The following LINC00632 variants were observed in gnomAD, a reference collection of about 807,000 sequenced individuals.
The protein encoded by LINC00632 is ALDOA related specific transcript.
exon 5 of LINC00632, among the ~76,000 whole-genome samples, chrX:140,779,092 GC>G (rs1931905699): frequency 9.0e-6 from 1 of 111,530 alleles, no homozygotes; most frequent in Admixed American, 9.6e-5. Context: ...TTTAAGAAAA[GC>G]CCCCCAAATA....
exon 5 of LINC00632, chrX:140,784,185 G>C: frequency 8.3e-7 from 1 of 1,209,597 alleles, no homozygotes; most frequent in Non-Finnish European, 1.1e-6. Flanking sequence ...CAGGAAATCC[G>C]TGTCTTCCAG....
chrX:140,789,320 A>C (rs1226853393), exon 5 of LINC00632, among the ~76,000 whole-genome samples: 1 of 110,944 alleles, frequency 9.0e-6, no homozygotes, highest in Non-Finnish European at 1.9e-5. Context: ...AGGAAATTTC[A>C]GAGTAGGGTG....
At chrX:140,746,825 C>T (rs976583683) in intron 3 of LINC00632, among the ~76,000 whole-genome samples, 1 of 111,861 alleles carries the variant, frequency 8.9e-6, no homozygotes, top group African/African-American at 3.2e-5. Flanking sequence ...ATCACCCTCC[C>T]ACTCCACCCG....
intron 3 of LINC00632, among the ~76,000 whole-genome samples, chrX:140,767,518 C>T (rs552293478): frequency 1.8e-5 from 2 of 112,004 alleles, no homozygotes; most frequent in Admixed American, 1.9e-4. Context: ...GTTCTATGCA[C>T]ATTTAGTAAC....
chrX:140,713,587 C>T lies in LINC00632; in HGVS notation n.104+1931C>T, dbSNP rs145527539. 2.6e-5 allele frequency: 9 copies of T among 340,804 alleles called. No individual in the cohort carries two copies. The East Asian group carries it at 8.8e-4, about 33-fold the overall frequency. The allele number at this position is 340,804 out of a possible 1,213,427, so 28.1% of individuals were successfully genotyped here. A position where few individuals can be genotyped will look rare whatever the true frequency, so the allele number is the denominator to read the frequency against. ...ACAAACTCACCCTTTAATGCACACA[C>T]TGACCAGATAACACAAACACATTTA... On this transcript the variant is annotated intron_variant and non_coding_transcript_variant, in intron 2 of 4. Coordinates refer to ENST00000648200, the Ensembl canonical transcript of LINC00632.
intron 2 of LINC00632, among the ~76,000 whole-genome samples, chrX:140,723,091 C>T (rs377375860): frequency 9.1e-6 from 1 of 109,664 alleles, no homozygotes; most frequent in East Asian, 2.9e-4. Context: ...ACTCTCACAC[C>T]AAGACTTGCT....
chrX:140,745,966 G>A (rs930831017), intron 3 of LINC00632, among the ~76,000 whole-genome samples: 6 of 111,722 alleles, frequency 5.4e-5, no homozygotes, highest in Non-Finnish European at 1.1e-4. Flanking sequence ...TCCCTCCCCA[G>A]CCACAGTGTT....
chrX:140,771,533 A>G (rs1225109570), intron 3 of LINC00632, among the ~76,000 whole-genome samples: 1 of 105,830 alleles, frequency 9.4e-6, no homozygotes, highest in East Asian at 3.0e-4. Flanking sequence ...CATGTTGGTA[A>G]GTACATGAGA....
intron 2 of LINC00632, among the ~76,000 whole-genome samples, chrX:140,722,163 T>C (rs1930737680): frequency 9.0e-6 from 1 of 110,963 alleles, no homozygotes; most frequent in African/African-American, 3.3e-5. Flanking sequence ...GTATGCCTCA[T>C]AACATCCAGA....
chrX:140,711,126 C>A (rs779174547), intron 1 of LINC00632, among the ~76,000 whole-genome samples: 1 of 111,611 alleles, frequency 9.0e-6, no homozygotes, highest in Non-Finnish European at 1.9e-5. Context: ...TTTGCTTCTA[C>A]GCCTTCCTCT....
chrX:140,767,875 A>G (rs753382826), intron 3 of LINC00632, among the ~76,000 whole-genome samples: 8 of 111,932 alleles, frequency 7.1e-5, no homozygotes, highest in Non-Finnish European at 1.5e-4. Context: ...TTTGTAAGGA[A>G]TCCATTCCCA....
At chrX:140,755,166 C>T (rs1009274953) in intron 3 of LINC00632, among the ~76,000 whole-genome samples, 2 of 111,939 alleles carry the variant, frequency 1.8e-5, no homozygotes, top group African/African-American at 6.5e-5. Flanking sequence ...AACTTCCTGA[C>T]ACTACAGGTG....
chrX:140,746,806 A>T (rs1297550843), intron 3 of LINC00632, among the ~76,000 whole-genome samples: 1 of 112,133 alleles, frequency 8.9e-6, no homozygotes, highest in East Asian at 2.8e-4. Flanking sequence ...ATTTATGATT[A>T]TGTGTTCTAT....
chrX:140,723,685 C>T (rs867061772), intron 2 of LINC00632, among the ~76,000 whole-genome samples: 1 of 350 alleles, frequency 2.9e-3, no homozygotes, highest in Non-Finnish European at 0.012. Flanking sequence ...TCCATACACA[C>T]ACATAGACAC....
intron 3 of LINC00632, among the ~76,000 whole-genome samples, chrX:140,744,617 C>T (rs1931296938): frequency 9.6e-6 from 1 of 103,730 alleles, no homozygotes; most frequent in African/African-American, 3.5e-5. Flanking sequence ...TCGCCCAGGC[C>T]GGAGGGTAGT....
At chrX:140,768,635 TATATA>T (rs1273720709) in intron 3 of LINC00632, among the ~76,000 whole-genome samples, 154 of 61,689 alleles carry the variant, frequency 2.5e-3, no homozygotes, top group East Asian at 0.011. Context: ...ATATATATAC[TATATA>T]ATATATTTAT....
chrX:140,766,537 C>T (rs961673465), intron 3 of LINC00632, among the ~76,000 whole-genome samples: 4 of 111,689 alleles, frequency 3.6e-5, no homozygotes, highest in African/African-American at 1.3e-4. Context: ...AGGGATGATA[C>T]TTAAATTTTC....
At chrX:140,788,430 G>T (rs986984707) in exon 5 of LINC00632, among the ~76,000 whole-genome samples, 3 of 110,186 alleles carry the variant, frequency 2.7e-5, no homozygotes, top group African/African-American at 6.5e-5. Context: ...CTGTACATTT[G>T]TCTTTCATTA....
At chrX:140,748,880 A>ATAT (rs1556024935) in intron 3 of LINC00632, among the ~76,000 whole-genome samples, 4 of 103,693 alleles carry the variant, frequency 3.9e-5, no homozygotes, top group South Asian at 4.1e-4. Context: ...TGTATATAAA[A>ATAT]ATATATAAAA....
Sources: allele counts gnomAD v4.1 joint callset (sites outside exome capture counted in the v4.1 genomes callset), GRCh38; gene constraint gnomAD v4.1.1; transcripts MANE v1.5; gene names NCBI Gene and HGNC (gene_info 2026-07-23, HGNC 2026-07-21).